ZNF334: variants seen among roughly 807,000 people sequenced by gnomAD.
ZNF334 encodes the protein zinc finger protein 334.
In ZNF334, 14 loss-of-function variants were observed where a neutral mutation model predicts 12.4. That is an observed-to-expected ratio of 1.13 (90% CI 0.74 to 1.76). The LOEUF is 1.76. Among genes scored for constraint, ZNF334 ranks in the 40% most tolerant of loss-of-function variants. The pLI is 0.00. For synonymous variants in ZNF334, 273 were observed against 269.6 expected, an observed-to-expected ratio of 1.01 and a Z score of -0.12; for missense variants, 797 against 804.5, an observed-to-expected ratio of 0.99 and a Z score of 0.11.
chr20:46,487,866 G>A, the ZNF334 span, among the ~76,000 whole-genome samples: 21 of 152,070 alleles, frequency 1.4e-4, no homozygotes, highest in African/African-American at 2.2e-4. Flanking sequence ...CCACCTTTTC[G>A]TTGAGGTGCT....
intron 4 of ZNF334, among the ~76,000 whole-genome samples, chr20:46,503,436 G>A (rs947803175): frequency 6.6e-6 from 1 of 152,236 alleles, no homozygotes; most frequent in Non-Finnish European, 1.5e-5. Flanking sequence ...CACAAAGTAT[G>A]CTGGAAGTGT....
chr20:46,488,419 T>TTTTATATA, the ZNF334 span, among the ~76,000 whole-genome samples: 6 of 102,236 alleles, frequency 5.9e-5, no homozygotes, highest in Admixed American at 2.0e-4. Context: ...AGCTCTTATT[T>TTTTATATA]TATATATATA....
the ZNF334 span, among the ~76,000 whole-genome samples, chr20:46,489,309 T>G: frequency 6.6e-6 from 1 of 152,182 alleles, no homozygotes; most frequent in Non-Finnish European, 1.5e-5. Context: ...AAAAGAATTC[T>G]CCAACCTGCT....
the ZNF334 span, among the ~76,000 whole-genome samples, chr20:46,466,486 ATTTAT>A: frequency 1.3e-5 from 2 of 151,856 alleles, no homozygotes; most frequent in South Asian, 2.1e-4. Context: ...TTATTTATTT[ATTTAT>A]TTTATTTTTT....
rs2061139874 is a variant in ZNF334, at chr20:46,501,054, G to C, written c.*242C>G. On this transcript the variant is annotated 3_prime_UTR_variant, in exon 5 of 5. Transcript: ENST00000692313. ...TTATTTTAAAAGGGAGGCACATTTG[G>C]CATAACCTTTGAATTGCTGTTGAAT... 1 of 452,232 alleles carries C rather than the reference G, an allele frequency of 2.2e-6. No individual in the cohort carries two copies. Among genetic ancestry groups the C allele is most frequent in the Non-Finnish European group, 3.8e-6 (1 of 259,744 alleles). The allele number at this position is 452,232 out of a possible 1,614,324, so 28.0% of individuals were successfully genotyped here.
chr20:46,509,909 A>C lies in ZNF334; in HGVS notation c.21+2173T>G, dbSNP rs143904705. ...GCAGAGTTGAGAACCACCTCAGCAC[A>C]GTTTGAATTGCTTGTGTAATATCTT... On this transcript the variant is annotated intron_variant, in intron 2 of 4. Transcript: ENST00000692313. Among the ~76,000 whole-genome samples, 81 of 152,358 alleles carry C rather than the reference A, an allele frequency of 5.3e-4. 1 individual carries two copies. Among genetic ancestry groups the C allele is most frequent in the South Asian group, 1.7e-3 (8 of 4,828 alleles).
At chr20:46,509,177 CTTT>C (rs1215186924) in intron 2 of ZNF334, among the ~76,000 whole-genome samples, 5 of 147,706 alleles carry the variant, frequency 3.4e-5, no homozygotes, top group Admixed American at 6.6e-5. Context: ...TTTTTAATTA[CTTT>C]TTTATTTTTC....
chr20:46,481,547 G>T, the ZNF334 span, among the ~76,000 whole-genome samples: 1 of 152,314 alleles, frequency 6.6e-6, no homozygotes, highest in African/African-American at 2.4e-5. Flanking sequence ...AGTCCCTGGG[G>T]ATAGTGAGTT....
At chr20:46,487,044 GGTT>G in the ZNF334 span, among the ~76,000 whole-genome samples, 1 of 151,396 alleles carries the variant, frequency 6.6e-6, no homozygotes, top group Non-Finnish European at 1.5e-5. Context: ...TAAAATGTAC[GGTT>G]ACTCCTGTCA....
chr20:46,508,217 C>G (rs1424401353), intron 2 of ZNF334, among the ~76,000 whole-genome samples: 1 of 152,160 alleles, frequency 6.6e-6, no homozygotes, highest in African/African-American at 2.4e-5. Context: ...GAGAGTTCAC[C>G]ATTTCACACA....
At chr20:46,476,032 T>C in the ZNF334 span, among the ~76,000 whole-genome samples, 2 of 152,158 alleles carry the variant, frequency 1.3e-5, no homozygotes, top group African/African-American at 4.8e-5. Flanking sequence ...TTTAAACAAA[T>C]GGCATACATC....
At chr20:46,469,469 C>T in the ZNF334 span, among the ~76,000 whole-genome samples, 5 of 151,670 alleles carry the variant, frequency 3.3e-5, no homozygotes, top group African/African-American at 1.2e-4. Flanking sequence ...CCCAGGTTCA[C>T]GCCATTCTCC....
the ZNF334 span, among the ~76,000 whole-genome samples, chr20:46,493,940 T>C: frequency 6.6e-6 from 1 of 152,030 alleles, no homozygotes; most frequent in Non-Finnish European, 1.5e-5. Flanking sequence ...AGCCAAAAAA[T>C]AAGTGGATAT....
At chr20:46,476,651 C>A in the ZNF334 span, among the ~76,000 whole-genome samples, 1 of 152,118 alleles carries the variant, frequency 6.6e-6, no homozygotes, top group Non-Finnish European at 1.5e-5. Flanking sequence ...TCAGGTTATA[C>A]CTGCAGAACC....
At chr20:46,465,425 C>T in the ZNF334 span, among the ~76,000 whole-genome samples, 264 of 152,262 alleles carry the variant, frequency 1.7e-3, 1 homozygote, top group African/African-American at 6.1e-3. Context: ...CCAGCCAGCA[C>T]GGTGGCTCAG....
downstream of ZNF334, among the ~76,000 whole-genome samples, chr20:46,499,122 C>T (rs1310707594): frequency 1.4e-5 from 2 of 143,574 alleles, no homozygotes; most frequent in African/African-American, 5.2e-5. Flanking sequence ...TGCAGTGAGC[C>T]GAGATCCTGC....
the ZNF334 span, among the ~76,000 whole-genome samples, chr20:46,482,541 T>G: frequency 6.6e-6 from 1 of 152,200 alleles, no homozygotes; most frequent in African/African-American, 2.4e-5. Flanking sequence ...AATCTATCAA[T>G]GTATGATCTT....
chr20:46,498,692 T>C (rs990095693), downstream of ZNF334, among the ~76,000 whole-genome samples: 2 of 152,234 alleles, frequency 1.3e-5, no homozygotes, highest in African/African-American at 2.4e-5. Context: ...TGGGGTTGAA[T>C]TGTCTCCCCA....
At chr20:46,496,634 T>G (rs2061030901), downstream of ZNF334, 1 of 152,236 alleles carries the variant, frequency 6.6e-6, no homozygotes, top group Non-Finnish European at 1.5e-5. Flanking sequence ...TGGCGTGAGA[T>G]CTGGAGGGTG....
Sources: gnomAD v4.1 joint callset for allele counts (sites outside exome capture counted in the v4.1 genomes callset) on GRCh38, gnomAD v4.1.1 for gene constraint, MANE v1.5 for transcripts, NCBI Gene and HGNC (gene_info 2026-07-23, HGNC 2026-07-21) for gene names.